CHST3: variants seen among roughly 807,000 people sequenced by gnomAD.
CHST3 encodes carbohydrate sulfotransferase 3, also known as C6ST-1.
Under a neutral mutation model 35.4 loss-of-function variants are expected in CHST3, and 20 were observed. That is an observed-to-expected ratio of 0.57 (90% CI 0.40 to 0.82). CHST3 has a LOEUF of 0.82. Ranked by LOEUF, CHST3 falls within the 40% of genes least tolerant of loss-of-function variation. CHST3 has a pLI of 0.00. For missense variants in CHST3, 693 were observed against 670.1 expected (o/e 1.03, Z -0.38); for synonymous variants, 334 against 295.9 (o/e 1.13, Z -1.32).
intron 1 of CHST3, among the ~76,000 whole-genome samples, chr10:71,974,682 C>G (rs1292902905): frequency 6.6e-6 from 1 of 152,174 alleles, no homozygotes; most frequent in Non-Finnish European, 1.5e-5. Context: ...ATCACTGAGT[C>G]TCACTGTCTG....
chr10:72,001,854 A>T (rs1839996432), intron 1 of CHST3, among the ~76,000 whole-genome samples: 1 of 152,164 alleles, frequency 6.6e-6, no homozygotes, highest in Non-Finnish European at 1.5e-5. Flanking sequence ...TGAACTAAGC[A>T]AGGGAGGCAG....
At chr10:71,994,017 T>A (rs1839919324) in intron 1 of CHST3, among the ~76,000 whole-genome samples, 1 of 152,064 alleles carries the variant, frequency 6.6e-6, no homozygotes, top group Non-Finnish European at 1.5e-5. Flanking sequence ...GGAGAATCGC[T>A]TGAACTCGGG....
chr10:72,001,989 T>A (rs1819954195), intron 1 of CHST3, among the ~76,000 whole-genome samples: 2 of 152,196 alleles, frequency 1.3e-5, no homozygotes, highest in South Asian at 4.1e-4. Context: ...GGGGCTTTGC[T>A]GAGTAACCCC....
intron 1 of CHST3, among the ~76,000 whole-genome samples, chr10:71,986,795 C>T (rs1839851125): frequency 6.6e-6 from 1 of 152,202 alleles, no homozygotes; most frequent in Non-Finnish European, 1.5e-5. Context: ...AGAGATGTAC[C>T]CAAGAAATAC....
chr10:71,973,510 G>A (rs751270891), intron 1 of CHST3, among the ~76,000 whole-genome samples: 4 of 152,244 alleles, frequency 2.6e-5, no homozygotes, highest in Non-Finnish European at 5.9e-5. Context: ...TGCCTCCCCA[G>A]GGGTGGGTAG....
At chr10:71,965,434 C>T (rs1329692219) in intron 1 of CHST3, among the ~76,000 whole-genome samples, 1 of 152,198 alleles carries the variant, frequency 6.6e-6, no homozygotes, top group African/African-American at 2.4e-5. Context: ...GACCCTTCCC[C>T]CCAGCGGATG....
At chr10:71,976,992 G>A (rs1357748186) in intron 1 of CHST3, among the ~76,000 whole-genome samples, 1 of 152,192 alleles carries the variant, frequency 6.6e-6, no homozygotes, top group Non-Finnish European at 1.5e-5. Flanking sequence ...GTGTGTGTGT[G>A]TAAGCTGTGT....
intron 1 of CHST3, among the ~76,000 whole-genome samples, chr10:71,998,866 A>C (rs1839966006): frequency 6.6e-6 from 1 of 151,904 alleles, no homozygotes; most frequent in South Asian, 2.1e-4. Context: ...TGCTCTTGGG[A>C]GTAACATAGC....
At chr10:71,985,790 G>A (rs1423814155) in intron 1 of CHST3, among the ~76,000 whole-genome samples, 2 of 152,110 alleles carry the variant, frequency 1.3e-5, no homozygotes, top group Non-Finnish European at 2.9e-5. Context: ...AACATTCTGT[G>A]AAAGCCTAGC....
At chr10:71,969,088 C>A (rs1732480557) in intron 1 of CHST3, among the ~76,000 whole-genome samples, 1 of 152,166 alleles carries the variant, frequency 6.6e-6, no homozygotes, top group South Asian at 2.1e-4. Context: ...TCCTTCCCAC[C>A]CCTGCCACGT....
chr10:71,979,080 C>T (rs928905555), intron 1 of CHST3, among the ~76,000 whole-genome samples: 4 of 152,290 alleles, frequency 2.6e-5, no homozygotes, highest in Non-Finnish European at 4.4e-5. Flanking sequence ...TGCCATACAG[C>T]GATAGCGCAC....
At chr10:71,972,759 C>T (rs139435783) in intron 1 of CHST3, among the ~76,000 whole-genome samples, 1 of 152,368 alleles carries the variant, frequency 6.6e-6, no homozygotes, top group Non-Finnish European at 1.5e-5. Flanking sequence ...CCCAGACACA[C>T]ACACCCTGCT....
intron 1 of CHST3, among the ~76,000 whole-genome samples, chr10:71,967,022 G>C (rs1839637995): frequency 6.6e-6 from 1 of 152,190 alleles, no homozygotes; most frequent in Non-Finnish European, 1.5e-5. Flanking sequence ...GGGTTTGTTT[G>C]AGACAGGGTC....
chr10:71,987,096 C>T (rs536101955), intron 1 of CHST3, among the ~76,000 whole-genome samples: 3 of 152,202 alleles, frequency 2.0e-5, no homozygotes, highest in South Asian at 2.1e-4. Context: ...ACTGGCAGAC[C>T]GAGTGTAGAT....
chr10:71,989,914 C>T (rs1839881941), intron 1 of CHST3, among the ~76,000 whole-genome samples: 1 of 152,224 alleles, frequency 6.6e-6, no homozygotes, highest in Admixed American at 6.5e-5. Context: ...AGAACTTCCT[C>T]TTTCTTTTTA....
At chr10:72,004,228 C>G (rs1299001669) in intron 1 of CHST3, among the ~76,000 whole-genome samples, 1 of 152,052 alleles carries the variant, frequency 6.6e-6, no homozygotes, top group Non-Finnish European at 1.5e-5. Context: ...TTTCCTTTAT[C>G]CATCTGTTGT....
chr10:71,991,567 C>T (rs949666172), intron 1 of CHST3, among the ~76,000 whole-genome samples: 4 of 152,180 alleles, frequency 2.6e-5, no homozygotes, highest in African/African-American at 9.7e-5. Context: ...CAGTTCCAGA[C>T]CACTGCAACA....
intron 1 of CHST3, among the ~76,000 whole-genome samples, chr10:71,981,022 C>G (rs1839796299): frequency 2.0e-5 from 3 of 152,252 alleles, no homozygotes; most frequent in African/African-American, 7.2e-5. Flanking sequence ...CCCAGCCTTT[C>G]TGAAAACACT....
chr10:71,970,080 G>T (rs1839675644), intron 1 of CHST3, among the ~76,000 whole-genome samples: 1 of 152,238 alleles, frequency 6.6e-6, no homozygotes, highest in Non-Finnish European at 1.5e-5. Flanking sequence ...GGCCTGGACG[G>T]TTTGTTCTGT....
Sources: gnomAD v4.1 joint callset for allele counts (sites outside exome capture counted in the v4.1 genomes callset) on GRCh38, gnomAD v4.1.1 for gene constraint, MANE v1.5 for transcripts, NCBI Gene and HGNC (gene_info 2026-07-23, HGNC 2026-07-21) for gene names.